Variants in ARHGAP35 observed in about 807,000 individuals in gnomAD.
ARHGAP35 encodes Rho GTPase activating protein 35.
A neutral mutation model predicts 111.1 loss-of-function variants in ARHGAP35; 15 were observed. The observed-to-expected ratio is 0.13, with a 90% CI of 0.09 to 0.21. The LOEUF (loss-of-function observed/expected upper bound fraction) is 0.21. Ranked by LOEUF, ARHGAP35 falls within the 10% of genes least tolerant of loss-of-function variation. The probability of loss-of-function intolerance (pLI) is 1.00; values close to 1 mark genes in which losing one functional copy is unlikely to be tolerated. For synonymous variants in ARHGAP35, 643 were observed against 710.3 expected (o/e 0.91, Z 1.51); for missense variants, 1,262 against 1,873.0 (o/e 0.67, Z 6.02).
At chr19:46,925,937 G>A (rs986955541) in intron 2 of ARHGAP35, among the ~76,000 whole-genome samples, 6 of 152,182 alleles carry the variant, frequency 3.9e-5, no homozygotes, top group Non-Finnish European at 7.4e-5. Context: ...GGAAGGACTT[G>A]AAGGTGGAAA....
Position 47,001,162 on chromosome 19 carries a change from T to G in ARHGAP35, c.*474T>G. On this transcript the variant is annotated 3_prime_UTR_variant, in exon 7 of 7. Transcript: ENST00000672722. This position sits in a 1 kb window ranked among gnomAD's most constrained non-coding sequence, Gnocchi z 5.4. ...CTTCCATCTGCACACACCCCCAAGG[T>G]AAGGGTACAGCCCGGCTGGCGGCCT... is the stretch of plus-strand genomic sequence containing the variant. 8.1e-7 allele frequency: 1 copy of G among 1,230,870 alleles called. No individual in the cohort carries two copies. The highest frequency in any genetic ancestry group is 1.0e-6 in the Non-Finnish European group (1 of 962,334). The allele number at this position is 1,230,870 out of a possible 1,614,324, so 76.2% of individuals were successfully genotyped here.
chr19:46,863,777 A>G (rs1167888639), intron 1 of ARHGAP35, among the ~76,000 whole-genome samples: 1 of 152,146 alleles, frequency 6.6e-6, no homozygotes, highest in Non-Finnish European at 1.5e-5. Flanking sequence ...AGTTGGACCT[A>G]GGGAAGCTAC....
At chr19:46,970,735 C>T (rs1443007384) in intron 3 of ARHGAP35, among the ~76,000 whole-genome samples, 4 of 152,178 alleles carry the variant, frequency 2.6e-5, no homozygotes, top group Non-Finnish European at 5.9e-5. Flanking sequence ...GTGAAGATTT[C>T]ACCCTAAACC....
At chr19:46,865,275 C>T (rs1278610694) in intron 1 of ARHGAP35, among the ~76,000 whole-genome samples, 1 of 152,188 alleles carries the variant, frequency 6.6e-6, no homozygotes, top group Non-Finnish European at 1.5e-5. Flanking sequence ...GGCTCTTGCC[C>T]TGCCTAGAAA....
intron 1 of ARHGAP35, among the ~76,000 whole-genome samples, chr19:46,875,715 A>C (rs10408213): frequency 0.02 from 3,027 of 152,198 alleles, 114 homozygotes; most frequent in African/African-American, 0.068. Context: ...TTGCTGGAAG[A>C]ATGAAAGAGA....
intron 3 of ARHGAP35, among the ~76,000 whole-genome samples, chr19:46,942,473 C>T (rs1330883755): frequency 2.0e-5 from 3 of 151,990 alleles, no homozygotes. Context: ...TCCATCTCTA[C>T]TAAAAATACA....
At position 46,993,038 on chromosome 19, in the gene ARHGAP35, G is replaced by A. The variant is rs1363458518; in HGVS notation, c.4036+3363G>A. Among the ~76,000 whole-genome samples, 1 of 152,228 alleles carries A rather than the reference G, an allele frequency of 6.6e-6. No homozygotes were observed. The highest frequency in any genetic ancestry group is 1.9e-4 in the East Asian group (1 of 5,192). ...TACGGGGTCATTAATTTCACAGCTA[G>A]CCAGGCCCCGTGTGGACAGGGACAG... is the stretch of plus-strand genomic sequence containing the variant. On this transcript the variant is annotated intron_variant, in intron 5 of 6. Transcript: ENST00000672722. This position sits in a 1 kb window ranked among gnomAD's most constrained non-coding sequence, Gnocchi z 4.6.
At chr19:46,978,629 T>G (rs1164847301) in intron 3 of ARHGAP35, among the ~76,000 whole-genome samples, 1 of 102,936 alleles carries the variant, frequency 9.7e-6, no homozygotes, top group Non-Finnish European at 2.0e-5. Context: ...GGTAGGGCTG[T>G]GTGTGCGGTG....
rs778170414 is a variant in ARHGAP35 at position 46,994,075 on chromosome 19, G to A, written c.4036+4400G>A. Among the ~76,000 whole-genome samples the A allele has an allele frequency of 1.6e-4, 25 of 152,170 alleles. No homozygotes were observed. Among genetic ancestry groups the A allele is most frequent in the African/African-American group, 5.8e-4 (24 of 41,434 alleles). On this transcript the variant is annotated intron_variant, in intron 5 of 6. Coordinates refer to ENST00000672722, the MANE Select transcript of ARHGAP35 (RefSeq NM_004491.5). This position sits in a 1 kb window ranked among gnomAD's most constrained non-coding sequence, Gnocchi z 5.4. ...TGGAGGTTACACCAAAAGTCTGGAC[G>A]AGCGGACCTGGGAATCCACAAACCA...
chr19:46,870,947 G>A (rs1224520906), intron 1 of ARHGAP35, among the ~76,000 whole-genome samples: 2 of 152,034 alleles, frequency 1.3e-5, no homozygotes, highest in Non-Finnish European at 2.9e-5. Flanking sequence ...TTCATATGAT[G>A]GGGCATAATT....
At chr19:46,987,567 T>G (rs1305943784) in intron 3 of ARHGAP35, among the ~76,000 whole-genome samples, 1 of 152,326 alleles carries the variant, frequency 6.6e-6, no homozygotes, top group East Asian at 1.9e-4. Context: ...TATACTTTGG[T>G]GTCTTTAAAA....
intron 1 of ARHGAP35, among the ~76,000 whole-genome samples, chr19:46,877,284 T>C (rs576595346): frequency 6.6e-4 from 86 of 130,206 alleles, no homozygotes; most frequent in African/African-American, 2.4e-3. Flanking sequence ...ATGTTTTGGC[T>C]GGGCGCAGTG....
chr19:46,892,792 G>A (rs1436511154), intron 1 of ARHGAP35, among the ~76,000 whole-genome samples: 1 of 151,914 alleles, frequency 6.6e-6, no homozygotes, highest in Admixed American at 6.6e-5. Flanking sequence ...TCTGAGTTGG[G>A]GCGTCTCTGC....
At chr19:46,897,060 A>AT (rs61692635) in intron 1 of ARHGAP35, among the ~76,000 whole-genome samples, 21,673 of 133,594 alleles carry the variant, frequency 0.16, 1,832 homozygotes, top group Admixed American at 0.18. Context: ...CACCTGGCTA[A>AT]TTTTTTTTTT....
chr19:46,987,956 C>G, intron 3 of ARHGAP35, 33 bp from the exon 4 acceptor site: 2 of 1,608,338 alleles, frequency 1.2e-6, no homozygotes, highest in Non-Finnish European at 1.7e-6. Context: ...CTCTCCAGTT[C>G]CTGCTCCTAA....
chr19:46,928,657 C>T (rs189428473), intron 2 of ARHGAP35, among the ~76,000 whole-genome samples: 10 of 152,054 alleles, frequency 6.6e-5, no homozygotes, highest in South Asian at 2.1e-4. Context: ...CTGCGCTGGG[C>T]GCGGTGGGTC....
chr19:46,873,629 T>C (rs555858875), intron 1 of ARHGAP35, among the ~76,000 whole-genome samples: 1 of 118,818 alleles, frequency 8.4e-6, no homozygotes, highest in Admixed American at 8.2e-5. Flanking sequence ...AGAGCGAGAC[T>C]CTTTCTCAAA....
At chr19:46,932,564 C>G (rs1220451750) in intron 2 of ARHGAP35, among the ~76,000 whole-genome samples, 1 of 152,142 alleles carries the variant, frequency 6.6e-6, no homozygotes, top group Non-Finnish European at 1.5e-5. Flanking sequence ...CCCAGTAACC[C>G]TTCAGATGCC....
At chr19:46,987,446 C>G (rs1459888932) in intron 3 of ARHGAP35, among the ~76,000 whole-genome samples, 1 of 151,804 alleles carries the variant, frequency 6.6e-6, no homozygotes, top group Non-Finnish European at 1.5e-5. Flanking sequence ...AACTCCTGAC[C>G]TCAAGTGATC....
Sources: gnomAD v4.1 joint callset for allele counts (sites outside exome capture counted in the v4.1 genomes callset) on GRCh38, gnomAD v4.1.1 for gene constraint, Gnocchi (gnomAD v3.1) non-coding constraint, MANE v1.5 for transcripts, NCBI Gene and HGNC (gene_info 2026-07-23, HGNC 2026-07-21) for gene names.